Variants in STAG1 observed in about 807,000 individuals in gnomAD.
STAG1 encodes the protein STAG1 cohesin complex component.
A neutral mutation model predicts 170.9 loss-of-function variants in STAG1; 26 were observed. The observed-to-expected ratio is 0.15, with a 90% CI of 0.11 to 0.21. STAG1 has a LOEUF of 0.21. Ranked by LOEUF, STAG1 falls within the 10% of genes least tolerant of loss-of-function variation. The pLI, the probability that STAG1 is intolerant of heterozygous loss-of-function variation, is 1.00. For synonymous variants in STAG1, 514 were observed against 497.7 expected (o/e 1.03, Z -0.44); for missense variants, 964 against 1,509.5 (o/e 0.64, Z 5.99).
intron 28 of STAG1, among the ~76,000 whole-genome samples, chr3:136,354,971 A>T (rs904010383): frequency 5.3e-5 from 8 of 152,104 alleles, no homozygotes; most frequent in Non-Finnish European, 1.0e-4. Context: ...ATAAAGCTGG[A>T]GTGATTATAG....
intron 13 of STAG1, among the ~76,000 whole-genome samples, chr3:136,464,044 T>G (rs956806497): frequency 1.3e-5 from 2 of 151,552 alleles, no homozygotes; most frequent in African/African-American, 4.8e-5. Context: ...CGTTATGCTT[T>G]ACAAAAAAAT....
chr3:136,343,519 T>G (rs563531632), intron 30 of STAG1, among the ~76,000 whole-genome samples: 41 of 152,220 alleles, frequency 2.7e-4, no homozygotes, highest in Non-Finnish European at 5.4e-4. Flanking sequence ...TTTTCTTGCC[T>G]AGGAAGTAAC....
intron 1 of STAG1, among the ~76,000 whole-genome samples, chr3:136,658,956 G>A (rs937867561): frequency 2.0e-5 from 3 of 152,140 alleles, no homozygotes; most frequent in African/African-American, 7.2e-5. Context: ...AATGAGGCAA[G>A]TATTCATGGG....
intron 3 of STAG1, among the ~76,000 whole-genome samples, chr3:136,606,241 T>G (rs1353280838): frequency 6.6e-6 from 1 of 151,642 alleles, no homozygotes; most frequent in Non-Finnish European, 1.5e-5. Flanking sequence ...CAGGCTGGAG[T>G]GCAGTGACAC....
intron 5 of STAG1, 80 bp from the exon 6 acceptor site, chr3:136,542,275 A>ATC (rs1935947154): frequency 1.0e-6 from 1 of 985,010 alleles, no homozygotes. Context: ...TTAACAAGTT[A>ATC]TCTGTGAGAA....
intron 1 of STAG1, among the ~76,000 whole-genome samples, chr3:136,633,698 T>C (rs1462586981): frequency 9.1e-5 from 5 of 54,820 alleles, no homozygotes; most frequent in Admixed American, 3.4e-4. Flanking sequence ...AAAGTTTCCA[T>C]ATCAAAAAAA....
At position 136,512,738 on chromosome 3, in the gene STAG1, A is replaced by T. The variant is rs554887193; in HGVS notation, c.676+8475T>A. On this transcript the variant is annotated intron_variant, in intron 7 of 33. Transcript: ENST00000383202. ...CACTAACAACAATTGAGGATCTATAAAAAAAAAAAAACTAACTGACCACCA... is the reference window on the plus strand; with the variant it reads ...CACTAACAACAATTGAGGATCTATATAAAAAAAAAAACTAACTGACCACCA... 1.8e-3 allele frequency among the ~76,000 whole-genome samples: 273 copies of T among 150,274 alleles called. 1 individual carries two copies. The highest frequency in any genetic ancestry group is 6.4e-3 in the African/African-American group (261 of 40,816).
chr3:136,382,396 GCTTT>G (rs1237269646), intron 22 of STAG1, among the ~76,000 whole-genome samples: 2 of 150,538 alleles, frequency 1.3e-5, no homozygotes, highest in South Asian at 2.1e-4. Context: ...AACAACCAAG[GCTTT>G]CTTTTTTTTT....
In STAG1 at chr3:136,596,294, T is replaced by C. The variant is rs186170877; in HGVS notation, c.297+8015A>G. Among the ~76,000 whole-genome samples, 5 of 152,320 alleles carry C rather than the reference T, an allele frequency of 3.3e-5. No individual in the cohort carries two copies. The East Asian group carries it at 9.6e-4, about 29-fold the overall frequency. ...TTAGGAAACTACCACAGCCACTTGA[T>C]CAGTCGGCAGCTATCAACATCAAGG... is the stretch of plus-strand genomic sequence containing the variant. On this transcript the variant is annotated intron_variant, in intron 4 of 33. Transcript: ENST00000383202.
At chr3:136,428,428 CCCCTGA>C (rs1488880922) in intron 16 of STAG1, among the ~76,000 whole-genome samples, 19 of 152,050 alleles carry the variant, frequency 1.2e-4, no homozygotes, top group African/African-American at 2.4e-4. Context: ...ACGGACAATG[CCCCTGA>C]CCAACCAGAA....
intron 6 of STAG1, among the ~76,000 whole-genome samples, chr3:136,525,104 C>T (rs936770021): frequency 1.3e-5 from 2 of 152,108 alleles, no homozygotes; most frequent in African/African-American, 4.8e-5. Context: ...ATGATGCTGG[C>T]CTTATAAAAT....
chr3:136,463,878 C>T (rs1212325761), intron 13 of STAG1, among the ~76,000 whole-genome samples: 1 of 144,590 alleles, frequency 6.9e-6, no homozygotes, highest in Non-Finnish European at 1.5e-5. Context: ...TACATACATA[C>T]ATATATACTT....
At chr3:136,532,972 A>G (rs1053702131) in intron 6 of STAG1, among the ~76,000 whole-genome samples, 5 of 152,218 alleles carry the variant, frequency 3.3e-5, no homozygotes, top group Non-Finnish European at 5.9e-5. Flanking sequence ...AGAGGAAGTC[A>G]AACTGTCCCT....
intron 1 of STAG1, among the ~76,000 whole-genome samples, chr3:136,658,746 T>G (rs1223489959): frequency 6.6e-6 from 1 of 152,222 alleles, no homozygotes; most frequent in Non-Finnish European, 1.5e-5. Context: ...TACTTATATT[T>G]AACTGTCAAA....
chr3:136,733,894 T>C (rs1934181388), intron 1 of STAG1, among the ~76,000 whole-genome samples: 1 of 152,038 alleles, frequency 6.6e-6, no homozygotes, highest in Non-Finnish European at 1.5e-5. Flanking sequence ...GATCACAAGG[T>C]CAGGAGATCA....
chr3:136,443,068 G>T (rs914852787), intron 15 of STAG1, among the ~76,000 whole-genome samples: 2 of 152,140 alleles, frequency 1.3e-5, no homozygotes, highest in African/African-American at 4.8e-5. Context: ...GACACGCATG[G>T]ATTTTTAAAA....
chr3:136,648,247 A>G (rs1450857177), intron 1 of STAG1, among the ~76,000 whole-genome samples: 1 of 152,184 alleles, frequency 6.6e-6, no homozygotes, highest in East Asian at 1.9e-4. Flanking sequence ...CCAGAACAGA[A>G]ATCATTGAGT....
intron 9 of STAG1, among the ~76,000 whole-genome samples, chr3:136,499,196 TTTTG>T (rs1197311493): frequency 6.6e-6 from 1 of 152,202 alleles, no homozygotes; most frequent in Non-Finnish European, 1.5e-5. Context: ...TATTTCTTTG[TTTTG>T]TTTTAGACAG....
At chr3:136,480,880 T>C (rs1320612350) in intron 9 of STAG1, among the ~76,000 whole-genome samples, 1 of 141,202 alleles carries the variant, frequency 7.1e-6, no homozygotes, top group Non-Finnish European at 1.5e-5. Flanking sequence ...GCTCTCTGTT[T>C]GTCTGTTGTT....
Sources: gnomAD v4.1 joint callset for allele counts (sites outside exome capture counted in the v4.1 genomes callset) on GRCh38, gnomAD v4.1.1 for gene constraint, MANE v1.5 for transcripts, NCBI Gene and HGNC (gene_info 2026-07-23, HGNC 2026-07-21) for gene names.